TARS2: variants seen among roughly 807,000 people sequenced by gnomAD.
The protein encoded by TARS2 is threonine--tRNA ligase, mitochondrial.
A neutral mutation model predicts 94.4 loss-of-function variants in TARS2; 61 were observed. The ratio of observed to expected loss-of-function variants is 0.65; its 90% confidence interval spans 0.53 to 0.80. The LOEUF (loss-of-function observed/expected upper bound fraction) is 0.80, where lower values mean the gene tolerates loss of function less well. Ranked by LOEUF, TARS2 falls within the 30% of genes least tolerant of loss-of-function variation. The probability of loss-of-function intolerance (pLI) is 0.00; values close to 1 mark genes in which losing one functional copy is unlikely to be tolerated. For missense variants in TARS2, 704 were observed against 902.5 expected (o/e 0.78, Z 2.82); for synonymous variants, 359 against 353.4 (o/e 1.02, Z -0.18).
rs1165480516 is a variant in TARS2, at chr1:150,488,989, G to T, written c.289G>T (p.Ala97Ser). 13 of 1,613,958 alleles carry T rather than the reference G, an allele frequency of 8.1e-6. No homozygotes were observed. ...ISSTLADTAVAAQVNGEPYDL... is the reference protein window; with the variant it reads ...ISSTLADTAVSAQVNGEPYDL... Reference sequence around the variant, plus strand: ...TTCAACACTGGCAGATACTGCAGTGGCTGCTCAAGTGAATGGAGAACCTTA... The same window carrying T: ...TTCAACACTGGCAGATACTGCAGTGTCTGCTCAAGTGAATGGAGAACCTTA... The change falls in exon 3 of 18, where the codon GCT becomes TCT. Residue 97 changes from alanine (A) to serine (S), a missense_variant. Around this residue, in one of 3 missense-constraint regions of TARS2, gnomAD observed 208 missense variants for 228.5 expected, o/e 0.91. Transcript: ENST00000369064.
chr1:150,488,926 C>T (rs895250903), intron 2 of TARS2, 38 bp from the exon 3 acceptor site: 2 of 1,602,026 alleles, frequency 1.2e-6, no homozygotes, highest in African/African-American at 2.7e-5. Context: ...GCCTTGTAAC[C>T]CTGTCTTTTT....
chr1:150,495,873 C>T (rs1314681569), intron 7 of TARS2, among the ~76,000 whole-genome samples: 5 of 152,114 alleles, frequency 3.3e-5, no homozygotes, highest in Non-Finnish European at 7.4e-5. Context: ...GCACCCACCA[C>T]CACACCCAGT....
rs367685337 is a variant in TARS2, at chr1:150,491,961, G to GTT, written c.695+321_695+322dup. The GTT allele has an allele frequency of 0.29, 36,339 of 126,886 alleles. 7,086 individuals are homozygous for GTT. Among genetic ancestry groups the GTT allele is most frequent in the Non-Finnish European group, 0.36 (24,968 of 69,844 alleles). The allele number at this position is 126,886 out of a possible 1,614,324, so 7.9% of individuals were successfully genotyped here. A position where few individuals can be genotyped will look rare whatever the true frequency, so the allele number is the denominator to read the frequency against. On this transcript the variant is annotated intron_variant, in intron 6 of 17. Coordinates refer to ENST00000369064, the MANE Select transcript of TARS2 (RefSeq NM_025150.5). ...AGGCATGTGCCACCATGCCTGGCTA[G>GTT]TTTTTTTTTTTTTTTTTTTTTTTGA... is the stretch of plus-strand genomic sequence containing the variant.
chr1:150,497,000 G>A, intron 9 of TARS2, 92 bp downstream of exon 9: 3 of 1,273,466 alleles, frequency 2.4e-6, no homozygotes, highest in South Asian at 1.3e-5. Flanking sequence ...ATGGGGGTTG[G>A]GGCCGGGCAC....
chr1:150,496,738 G>A lies in TARS2; in HGVS notation c.922-72G>A, dbSNP rs145485102. 397 of 1,606,802 alleles carry A rather than the reference G, an allele frequency of 2.5e-4. 1 individual carries two copies. In the East Asian group the frequency reaches 7.5e-3, roughly 30 times the overall value. On this transcript the variant is annotated intron_variant, in intron 8 of 17. Transcript: ENST00000369064. ...TCAGTCACACAGACTGAGCAGCTCC[G>A]TCAGTTGTTCTGAGTTCCAAAGCCA... is the stretch of plus-strand genomic sequence containing the variant.
At chr1:150,491,313 T>G in intron 4 of TARS2, 81 bp from the exon 5 acceptor site, 1 of 1,393,306 alleles carries the variant, frequency 7.2e-7, no homozygotes, top group Middle Eastern at 2.5e-4. Flanking sequence ...GACAGGACCT[T>G]ACCCGCTAGC....
Position 150,492,440 on chromosome 1 carries a change from G to C in TARS2, c.725G>C (p.Gly242Ala). 6.2e-7 allele frequency: 1 copy of C among 1,613,944 alleles called. No individual in the cohort carries two copies. Among genetic ancestry groups the C allele is most frequent in the Non-Finnish European group, 8.5e-7 (1 of 1,179,940 alleles). The stretch of plus-strand genomic sequence containing the variant: ...GGCACATTGGTTGACCTTTGCCAGG[G>C]CCCCCACCTTCGGCATACTGGACAG... The part of the protein sequence containing the change: ...GCGTLVDLCQ[G>A]PHLRHTGQIG... The change falls in exon 7 of 18, where the codon GGC becomes GCC. Residue 242 changes from glycine to alanine, a missense_variant. By Grantham distance (60) the Gly-to-Ala change is moderately conservative (BLOSUM62 0). Around this residue, in one of 3 missense-constraint regions of TARS2, gnomAD observed 466 missense variants for 609.5 expected, o/e 0.76. Coordinates refer to ENST00000369064, the MANE Select transcript of TARS2 (RefSeq NM_025150.5).
At chr1:150,498,154 A>G (rs1471905420) in intron 10 of TARS2, among the ~76,000 whole-genome samples, 1 of 151,910 alleles carries the variant, frequency 6.6e-6, no homozygotes, top group Non-Finnish European at 1.5e-5. Flanking sequence ...TTGAGCCTAC[A>G]GTCTTCCCCC....
chr1:150,506,574 G>GACACACAC (rs59687878), intron 17 of TARS2, among the ~76,000 whole-genome samples: 12 of 109,156 alleles, frequency 1.1e-4, no homozygotes, highest in African/African-American at 3.5e-4. Context: ...TAATGTCTCT[G>GACACACAC]ACACACACAC....
intron 13 of TARS2, among the ~76,000 whole-genome samples, chr1:150,502,638 C>G (rs1669979792): frequency 6.6e-6 from 1 of 152,170 alleles, no homozygotes; most frequent in Non-Finnish European, 1.5e-5. Flanking sequence ...GTCCACCTAC[C>G]TCGGCCTCCC....
At position 150,496,606 on chromosome 1, in the gene TARS2, G is replaced by A. The variant is rs1340953841; in HGVS notation, c.899G>A (p.Arg300Gln). The A allele has an allele frequency of 8.1e-6, 13 of 1,613,624 alleles. No individual in the cohort carries two copies. Among genetic ancestry groups the A allele is most frequent in the Admixed American group, 6.7e-5 (4 of 59,968 alleles). The change falls in exon 8 of 18, where the codon CGG (arginine) becomes CAG (glutamine). Residue 300 changes from arginine (R) to glutamine (Q), a missense_variant. By Grantham distance (43) the Arg-to-Gln change is conservative (BLOSUM62 1). Coordinates refer to ENST00000369064, the MANE Select transcript of TARS2 (RefSeq NM_025150.5). ...GCATGGAGGGAGGAAGCAGAATTGCGGGACCACCGGCGCATTGGGAAGGTA... is the reference window on the plus strand; with the variant it reads ...GCATGGAGGGAGGAAGCAGAATTGCAGGACCACCGGCGCATTGGGAAGGTA... ...WEAWREEAEL[R>Q]DHRRIGKEQE...
chr1:150,506,600 C>T (rs923227107), intron 17 of TARS2, among the ~76,000 whole-genome samples: 80 of 151,364 alleles, frequency 5.3e-4, no homozygotes, highest in Non-Finnish European at 9.1e-4. Flanking sequence ...CACACACACA[C>T]ACACACAGTT....
At chr1:150,506,795 T>C (rs751783017) in intron 17 of TARS2, 121 bp from the exon 18 acceptor site, 1 of 1,311,998 alleles carries the variant, frequency 7.6e-7, no homozygotes, top group South Asian at 1.4e-5. Context: ...CTGTGAACCA[T>C]ATCTGGGCTC....
intron 17 of TARS2, among the ~76,000 whole-genome samples, chr1:150,505,939 T>C (rs1670180366): frequency 1.3e-5 from 2 of 152,144 alleles, no homozygotes; most frequent in Non-Finnish European, 2.9e-5. Flanking sequence ...AACTCCACTC[T>C]AGCTGTTGGT....
At position 150,498,993 on chromosome 1, in the gene TARS2, G is replaced by A; in HGVS notation, c.1498G>A (p.Gly500Ser). ...FRLALSTRPS[G>S]FLGDPCLWDQ... ...CCTGGCACTGTCCACCCGGCCATCT[G>A]GCTTCCTGGGGGACCCTTGCCTTTG... The change falls in exon 12 of 18, where the codon GGC becomes AGC. Residue 500 changes from glycine to serine, a missense_variant. Around this residue, in one of 3 missense-constraint regions of TARS2, gnomAD observed 466 missense variants for 609.5 expected, o/e 0.76. Coordinates refer to ENST00000369064, the MANE Select transcript of TARS2 (RefSeq NM_025150.5). The A allele has an allele frequency of 6.2e-7, 1 of 1,614,134 alleles. No homozygotes were observed. The highest frequency in any genetic ancestry group is 8.5e-7 in the Non-Finnish European group (1 of 1,180,020).
rs765149570 is a variant in TARS2 at position 150,504,894 on chromosome 1, T to C, written c.1821-12T>C. Reference sequence around the variant, plus strand: ...GTGACTAATTTGCCATCACCTGTTCTTTCCCTACCAGGCCACTGTGGCTGT... The same window carrying C: ...GTGACTAATTTGCCATCACCTGTTCCTTCCCTACCAGGCCACTGTGGCTGT... On this transcript the variant is annotated splice_polypyrimidine_tract_variant and intron_variant, in intron 15 of 17. Transcript: ENST00000369064. 5 of 1,614,228 alleles carry C rather than the reference T, an allele frequency of 3.1e-6. No individual in the cohort carries two copies. The East Asian group carries it at 6.7e-5, about 22-fold the overall frequency.
chr1:150,495,787 G>A (rs932849470), intron 7 of TARS2, among the ~76,000 whole-genome samples: 2 of 151,778 alleles, frequency 1.3e-5, no homozygotes, highest in Admixed American at 6.6e-5. Flanking sequence ...TGGTGCGATC[G>A]CGACTCACTG....
chr1:150,504,574 G>A, intron 14 of TARS2, 58 bp from the exon 15 acceptor site: 1 of 1,591,606 alleles, frequency 6.3e-7, no homozygotes, highest in Non-Finnish European at 8.6e-7. Flanking sequence ...GGTGATCTTG[G>A]GTACACAATT....
intron 6 of TARS2, 115 bp from the exon 7 acceptor site, chr1:150,492,296 C>T: frequency 4.6e-6 from 5 of 1,097,108 alleles, no homozygotes; most frequent in Non-Finnish European, 6.8e-6. Context: ...ATTGCCCTCT[C>T]TCAGTAGGAC....
Sources: gnomAD v4.1 joint callset for allele counts (sites outside exome capture counted in the v4.1 genomes callset) on GRCh38, gnomAD v4.1.1 for gene constraint, gnomAD v4.1.1 regional missense constraint, MANE v1.5 for transcripts, NCBI Gene and HGNC (gene_info 2026-07-23, HGNC 2026-07-21) for gene names.